Variants in INKA2 observed in about 807,000 individuals in gnomAD.
The protein encoded by INKA2 is PAK4-inhibitor INKA2.
INKA2 carries 3 observed loss-of-function variants against 9.8 expected under a neutral mutation model. The ratio of observed to expected loss-of-function variants is 0.31; its 90% confidence interval spans 0.14 to 0.79. The LOEUF (loss-of-function observed/expected upper bound fraction) is 0.79. Among genes scored for constraint, INKA2 ranks in the 30% least tolerant of loss-of-function variants. INKA2 has a pLI of 0.62. For synonymous variants in INKA2, 147 were observed against 143.3 expected (o/e 1.03, Z -0.18); for missense variants, 392 against 384.4 (o/e 1.02, Z -0.17).
intron 1 of INKA2, chr1:111,745,285 ATATATATATTTTTTTT>A (rs1287396708): frequency 2.0e-5 from 1 of 49,180 alleles, no homozygotes; most frequent in African/African-American, 9.6e-5. Flanking sequence ...ATATATATAT[ATATATATATTTTTTTT>A]TTTTTTTTTT....
chr1:111,727,191 C>G lies in INKA2; in HGVS notation c.671G>C (p.Arg224Pro). 1 of 1,614,232 alleles carries G rather than the reference C, an allele frequency of 6.2e-7. No individual in the cohort carries two copies. The highest frequency in any genetic ancestry group is 8.5e-7 in the Non-Finnish European group (1 of 1,180,038). The change falls in exon 2 of 2, where the codon CGG (arginine) becomes CCG (proline). Residue 224 changes from arginine (R) to proline (P), a missense_variant. Coordinates refer to ENST00000357260, the MANE Select transcript of INKA2 (RefSeq NM_019099.5). ...CCAGCCTGGCTTCTCCTTCAGCAGC[C>G]GGTCACGGTCAGGCCGCACACTACG... ...FLRSVRPDRD[R>P]LLKEKPGWVT...
In INKA2 at chr1:111,722,971, A is replaced by G; in HGVS notation, c.*3997T>C. ...AATCTCACAGCAGCCCCACATTATC[A>G]CCTTTCACAGATGAGAAACACAAGG... On this transcript the variant is annotated 3_prime_UTR_variant, in exon 2 of 2. Coordinates refer to ENST00000357260, the MANE Select transcript of INKA2 (RefSeq NM_019099.5). 1 of 662,950 alleles carries G rather than the reference A, an allele frequency of 1.5e-6. No homozygotes were observed. The highest frequency in any genetic ancestry group is 2.7e-6 in the Non-Finnish European group (1 of 366,290). 41.1% of individuals were successfully genotyped at this position (662,950 alleles called of 1,614,324 possible).
intron 1 of INKA2, among the ~76,000 whole-genome samples, 164 bp downstream of exon 1, chr1:111,739,022 T>C (rs762336359): frequency 8.5e-5 from 13 of 152,052 alleles, no homozygotes; most frequent in Non-Finnish European, 1.9e-4. Flanking sequence ...TCCCCTTTCC[T>C]GAGGACAAGC....
chr1:111,755,602 C>G, intron 1 of INKA2: 1 of 1,421,740 alleles, frequency 7.0e-7, no homozygotes, highest in Non-Finnish European at 9.5e-7. Context: ...GCGCCGGGGG[C>G]ACGGCTGGGC....
chr1:111,726,780 A>G lies in INKA2; in HGVS notation c.*188T>C. The G allele has an allele frequency of 7.7e-6, 5 of 653,220 alleles. No homozygotes were observed. In the South Asian group the frequency reaches 9.1e-5, roughly 12 times the overall value. The allele number at this position is 653,220 out of a possible 1,614,324, so 40.5% of individuals were successfully genotyped here. ...TTACCTCCTCCACCAGCTAGCCCCC[A>G]AGACAGCCTCTCCCAACCACCTTCC... On this transcript the variant is annotated 3_prime_UTR_variant, in exon 2 of 2. Transcript: ENST00000357260.
intron 1 of INKA2, among the ~76,000 whole-genome samples, chr1:111,752,693 T>TC (rs1663436400): frequency 6.6e-6 from 1 of 151,842 alleles, no homozygotes; most frequent in African/African-American, 2.4e-5. Context: ...GTTTTCTTTT[T>TC]CTTTTTTTTT....
intron 1 of INKA2, among the ~76,000 whole-genome samples, chr1:111,738,727 C>T (rs1663062613): frequency 6.6e-6 from 1 of 152,158 alleles, no homozygotes; most frequent in African/African-American, 2.4e-5. Context: ...CGTGCCCGCG[C>T]AGGGATCAGG....
At position 111,726,860 on chromosome 1, in the gene INKA2, C is replaced by G; in HGVS notation, c.*108G>C. On this transcript the variant is annotated 3_prime_UTR_variant, in exon 2 of 2. Transcript: ENST00000357260. ...CTCCCCGCTTTCTGGGGGAAAGGAA[C>G]TTGGAGTTGGGCTTTCGAGAGCCAT... 1 of 1,130,504 alleles carries G rather than the reference C, an allele frequency of 8.8e-7. No homozygotes were observed. The highest frequency in any genetic ancestry group is 2.2e-5 in the Admixed American group (1 of 44,692). The allele number at this position is 1,130,504 out of a possible 1,614,324, so 70.0% of individuals were successfully genotyped here.
At chr1:111,739,041 C>T in intron 1 of INKA2, 145 bp downstream of exon 1, 1 of 732,774 alleles carries the variant, frequency 1.4e-6, no homozygotes, top group African/African-American at 1.8e-5. Flanking sequence ...GCCCTGCCCT[C>T]TGCCTGCGGG....
chr1:111,755,456 G>A (rs1663517144), intron 1 of INKA2: 2 of 552,378 alleles, frequency 3.6e-6, no homozygotes, highest in South Asian at 2.3e-5. Context: ...GAGGAGCAGC[G>A]AGTCAGGGTA....
At chr1:111,755,524 G>A (rs575720013) in intron 1 of INKA2, 2 of 691,774 alleles carry the variant, frequency 2.9e-6, no homozygotes, top group South Asian at 4.0e-5. Flanking sequence ...CAGCGGAACG[G>A]AAAACGGAAG....
At chr1:111,740,508 G>A (rs1282453299), upstream of INKA2, among the ~76,000 whole-genome samples, 1 of 152,368 alleles carries the variant, frequency 6.6e-6, no homozygotes, top group African/African-American at 2.4e-5. Context: ...AGAGCACGGA[G>A]AGTAATTAAG....
rs186429807 is a variant in INKA2, at chr1:111,729,380, G to A, written c.58-1576C>T. 6.1e-3 allele frequency among the ~76,000 whole-genome samples: 931 copies of A among 152,334 alleles called. 8 individuals are homozygous for A. The highest frequency in any genetic ancestry group is 0.02 in the African/African-American group (829 of 41,578). On this transcript the variant is annotated intron_variant, in intron 1 of 1. Transcript: ENST00000357260. The stretch of plus-strand genomic sequence containing the variant: ...TTAGCCCAGTTGGCTCTGCCGCCCC[G>A]GCCAAGCCATAGTGAGATGCTGGGG...
At position 111,723,827 on chromosome 1, in the gene INKA2, GTC is replaced by G. The variant is rs1056088860; in HGVS notation, c.*3139_*3140del. On this transcript the variant is annotated 3_prime_UTR_variant, in exon 2 of 2. Transcript: ENST00000357260. Reference sequence around the variant, plus strand: ...GTGTCCAGGGGGAAGGGAAAAGTAAGTCTCCATCAGACAGTCAGCATGCCATT... The same window carrying G: ...GTGTCCAGGGGGAAGGGAAAAGTAAGTCCATCAGACAGTCAGCATGCCATT... The G allele has an allele frequency of 2.0e-5, 3 of 152,346 alleles. No homozygotes were observed. Among genetic ancestry groups the G allele is most frequent in the African/African-American group, 7.2e-5 (3 of 41,464 alleles). The allele number at this position is 152,346 out of a possible 1,614,324, so 9.4% of individuals were successfully genotyped here. A position where few individuals can be genotyped will look rare whatever the true frequency, so the allele number is the denominator to read the frequency against.
At chr1:111,755,154 ATGCGGAGGCG>A in intron 1 of INKA2, 1 of 158,708 alleles carries the variant, frequency 6.3e-6, no homozygotes, top group African/African-American at 2.4e-5. Flanking sequence ...ATGGAGGCGG[ATGCGGAGGCG>A]GATGCATGGA....
At chr1:111,728,428 G>T (rs576690656) in intron 1 of INKA2, among the ~76,000 whole-genome samples, 4 of 152,066 alleles carry the variant, frequency 2.6e-5, no homozygotes, top group East Asian at 1.9e-4. Flanking sequence ...AGTAACTTAC[G>T]TAACGTCACA....
Position 111,739,347 on chromosome 1 carries a change from G to T in INKA2, c.-105C>A. On this transcript the variant is annotated 5_prime_UTR_variant, in exon 1 of 2. Transcript: ENST00000357260. ...GGCTCCCCGCCCCTGCGCCCGTAGCGCTCGCAGCGCGGAGCTGAGCCTGCG... is the reference window on the plus strand; with the variant it reads ...GGCTCCCCGCCCCTGCGCCCGTAGCTCTCGCAGCGCGGAGCTGAGCCTGCG... 6.4e-7 allele frequency: 1 copy of T among 1,562,244 alleles called. No individual in the cohort carries two copies. The highest frequency in any genetic ancestry group is 8.7e-7 in the Non-Finnish European group (1 of 1,154,300).
intron 1 of INKA2, 38 bp from the exon 2 acceptor site, chr1:111,727,842 C>T: frequency 1.9e-6 from 3 of 1,579,476 alleles, no homozygotes; most frequent in Non-Finnish European, 2.6e-6. Context: ...CTATGAGCCA[C>T]AGTGGGCAGC....
chr1:111,739,229 C>G lies in INKA2; in HGVS notation c.14G>C (p.Ser5Thr). Residue 5 changes from serine (S) to threonine (T), a missense_variant, in exon 1 of 2, where the codon AGC (serine) becomes ACC (threonine). Physicochemically the swap from Ser to Thr is moderately conservative, Grantham distance 58. Transcript: ENST00000357260. MTME[S>T]REMDCYLRRL... is the part of the protein sequence containing the mutation. The stretch of plus-strand genomic sequence containing the variant: ...ACGGAGATAGCAGTCCATTTCCCTG[C>G]TCTCCATCGTCATGCGCCCATTTGT... 6.2e-7 allele frequency: 1 copy of G among 1,613,816 alleles called. No individual in the cohort carries two copies. Among genetic ancestry groups the G allele is most frequent in the Non-Finnish European group, 8.5e-7 (1 of 1,179,798 alleles).
Sources: gnomAD v4.1 joint callset for allele counts (sites outside exome capture counted in the v4.1 genomes callset) on GRCh38, gnomAD v4.1.1 for gene constraint, MANE v1.5 for transcripts, NCBI Gene and HGNC (gene_info 2026-07-23, HGNC 2026-07-21) for gene names.